TNFAIP2: variants seen among roughly 807,000 people sequenced by gnomAD.
The protein encoded by TNFAIP2 is TNF alpha induced protein 2.
TNFAIP2 carries 47 observed loss-of-function variants against 63.5 expected under a neutral mutation model. The observed-to-expected ratio is 0.74, with a 90% CI of 0.59 to 0.94. The LOEUF (loss-of-function observed/expected upper bound fraction) is 0.94, where lower values mean the gene tolerates loss of function less well. TNFAIP2 is among the 40% of genes least tolerant of loss of function. TNFAIP2 has a pLI of 0.00. For synonymous variants in TNFAIP2, 405 were observed against 390.2 expected, an observed-to-expected ratio of 1.04 and a Z score of -0.45; for missense variants, 787 against 850.2, an observed-to-expected ratio of 0.93 and a Z score of 0.92.
intron 11 of TNFAIP2, among the ~76,000 whole-genome samples, 157 bp downstream of exon 11, chr14:103,133,960 A>G (rs1248203596): frequency 6.6e-6 from 1 of 152,190 alleles, no homozygotes. Flanking sequence ...CCACAGCACT[A>G]CGAGGACAAT....
intron 2 of TNFAIP2, 42 bp downstream of exon 2, chr14:103,126,734 C>G (rs760547130): frequency 8.8e-5 from 136 of 1,540,188 alleles, no homozygotes; most frequent in Non-Finnish European, 1.1e-4. Flanking sequence ...GGGGCCTGGA[C>G]GGGGTTGGCG....
At chr14:103,133,001 C>T (rs943356183) in intron 9 of TNFAIP2, 129 bp downstream of exon 9, 14 of 1,435,246 alleles carry the variant, frequency 9.8e-6, no homozygotes, top group South Asian at 1.3e-5. Context: ...CGTGAATGCA[C>T]GAGCATGTGA....
At chr14:103,130,483 C>T in intron 6 of TNFAIP2, 68 bp downstream of exon 6, 1 of 1,443,298 alleles carries the variant, frequency 6.9e-7, no homozygotes, top group Non-Finnish European at 9.5e-7. Context: ...TCCCTAGTGC[C>T]TCAGGTGGGG....
At position 103,135,116 on chromosome 14, in the gene TNFAIP2, G is replaced by A. The variant is rs907817459; in HGVS notation, c.1824-103G>A. The A allele has an allele frequency of 1.9e-5, 28 of 1,449,420 alleles. No homozygotes were observed. Among genetic ancestry groups the A allele is most frequent in the Middle Eastern group, 2.0e-4 (1 of 4,884 alleles). The allele number at this position is 1,449,420 out of a possible 1,614,324, so 89.8% of individuals were successfully genotyped here. A position where few individuals can be genotyped will look rare whatever the true frequency, so the allele number is the denominator to read the frequency against. On this transcript the variant is annotated intron_variant, in intron 11 of 11. Coordinates refer to ENST00000560869, the MANE Select transcript of TNFAIP2 (RefSeq NM_006291.4). The surrounding 1 kb of genome is among the most constrained non-coding windows in gnomAD (Gnocchi z 7.6). ...GTGAAGTGCAGCCCCCTCGTGGGCCGGGCGTTGGCTGTCGGGCCCTGTGGC... is the reference window on the plus strand; with the variant it reads ...GTGAAGTGCAGCCCCCTCGTGGGCCAGGCGTTGGCTGTCGGGCCCTGTGGC...
At chr14:103,133,841 A>G in intron 11 of TNFAIP2, 38 bp downstream of exon 11, 1 of 1,556,370 alleles carries the variant, frequency 6.4e-7, no homozygotes, top group Non-Finnish European at 8.6e-7. Flanking sequence ...CTGTCACATC[A>G]CTGTGGCCAA....
At chr14:103,129,190 CG>C (rs2087919819) in intron 3 of TNFAIP2, among the ~76,000 whole-genome samples, 1 of 152,124 alleles carries the variant, frequency 6.6e-6, no homozygotes, top group Admixed American at 6.6e-5. Context: ...GGGAGGTGGC[CG>C]GGGCTGGTGA....
chr14:103,122,150 C>T (rs1891130591), upstream of TNFAIP2, among the ~76,000 whole-genome samples: 1 of 152,162 alleles, frequency 6.6e-6, no homozygotes, highest in South Asian at 2.1e-4. Flanking sequence ...GCAGCCTTAA[C>T]GCCCCATCCT....
chr14:103,122,773 G>A (rs1891160398), upstream of TNFAIP2: 1 of 454,572 alleles, frequency 2.2e-6, no homozygotes, highest in African/African-American at 2.0e-5. Context: ...CCCCAGAGGG[G>A]GAAAGGCTCC....
intron 9 of TNFAIP2, 105 bp from the exon 10 acceptor site, chr14:103,133,257 C>T (rs2088023986): frequency 1.1e-5 from 16 of 1,421,058 alleles, no homozygotes; most frequent in African/African-American, 1.4e-5. Flanking sequence ...GTCTTTTGCT[C>T]TGGCATCTGC....
upstream of TNFAIP2, chr14:103,122,668 C>G (rs1891155943): frequency 2.2e-6 from 1 of 456,028 alleles, no homozygotes; most frequent in Admixed American, 2.3e-5. Flanking sequence ...GCTGAATGGG[C>G]AAAGCCGGGT....
chr14:103,126,721 T>G, intron 2 of TNFAIP2, 29 bp downstream of exon 2: 1 of 1,551,560 alleles, frequency 6.4e-7, no homozygotes, highest in Non-Finnish European at 8.7e-7. Context: ...TTAGAGCTAG[T>G]CTGGGGCCTG....
intron 3 of TNFAIP2, among the ~76,000 whole-genome samples, chr14:103,128,949 C>A (rs1024349871): frequency 1.3e-5 from 2 of 152,146 alleles, no homozygotes; most frequent in Admixed American, 1.3e-4. Flanking sequence ...AGCCTGTGTG[C>A]CAGAAATGTG....
Position 103,127,702 on chromosome 14 carries a change from G to GAGGGGTGTCC in TNFAIP2, c.860+76_860+77insGGTGTCCAGG. ...TGTAGGAGGGGTGTCGAGGGGTGTCGAGGTGTGCCGCCGGCAGCTTTTAGT... is the reference window on the plus strand; with the variant it reads ...TGTAGGAGGGGTGTCGAGGGGTGTCGAGGGGTGTCCAGGTGTGCCGCCGGCAGCTTTTAGT... On this transcript the variant is annotated intron_variant, in intron 3 of 11. Coordinates refer to ENST00000560869, the MANE Select transcript of TNFAIP2 (RefSeq NM_006291.4). This position sits in a 1 kb window ranked among gnomAD's most constrained non-coding sequence, Gnocchi z 5.1. 1 of 1,395,218 alleles carries GAGGGGTGTCC rather than the reference G, an allele frequency of 7.2e-7. No homozygotes were observed. Among genetic ancestry groups the GAGGGGTGTCC allele is most frequent in the Non-Finnish European group, 9.3e-7 (1 of 1,071,302 alleles). The allele number at this position is 1,395,218 out of a possible 1,614,324, so 86.4% of individuals were successfully genotyped here.
In TNFAIP2 at chr14:103,131,880, C is replaced by G; in HGVS notation, c.1422+118C>G. ...AGATGTGGGGAAGACACGCTCCAGGCCTGTGGACGGCACCGTGGGCCAGCT... is the reference window on the plus strand; with the variant it reads ...AGATGTGGGGAAGACACGCTCCAGGGCTGTGGACGGCACCGTGGGCCAGCT... On this transcript the variant is annotated intron_variant, in intron 8 of 11. Transcript: ENST00000560869. This position sits in a 1 kb window ranked among gnomAD's most constrained non-coding sequence, Gnocchi z 4.0. 1 of 1,405,088 alleles carries G rather than the reference C, an allele frequency of 7.1e-7. No homozygotes were observed. Among genetic ancestry groups the G allele is most frequent in the East Asian group, 2.5e-5 (1 of 39,316 alleles). The allele number at this position is 1,405,088 out of a possible 1,614,324, so 87.0% of individuals were successfully genotyped here.
In TNFAIP2 at chr14:103,127,647, T is replaced by G; in HGVS notation, c.860+18T>G. The G allele has an allele frequency of 2.1e-6, 3 of 1,450,504 alleles. No individual in the cohort carries two copies. Among genetic ancestry groups the G allele is most frequent in the South Asian group, 1.4e-5 (1 of 71,878 alleles). The allele number at this position is 1,450,504 out of a possible 1,614,324, so 89.9% of individuals were successfully genotyped here. On this transcript the variant is annotated intron_variant, in intron 3 of 11. Transcript: ENST00000560869. This position sits in a 1 kb window ranked among gnomAD's most constrained non-coding sequence, Gnocchi z 5.1. The stretch of plus-strand genomic sequence containing the variant: ...TACCCCAAGTGAGCAGACCAGGGGC[T>G]GGGCCCGGGCCGGCAGGGAGGGTGT...
Position 103,126,479 on chromosome 14 carries a change from G to C in TNFAIP2, c.22G>C (p.Asp8His). MSEASSE[D>H]LVPPLEAGAA... ...CTCCATGTCGGAGGCCTCCTCTGAG[G>C]ACCTGGTGCCACCCCTGGAGGCTGG... The change falls in exon 2 of 12, where the codon GAC becomes CAC. Residue 8 changes from aspartate to histidine, a missense_variant. Asp to His is a moderately conservative substitution (Grantham distance 81). Around this residue, in one of 3 missense-constraint regions of TNFAIP2, gnomAD observed 258 missense variants for 228.9 expected, o/e 1.13. Transcript: ENST00000560869. The C allele has an allele frequency of 6.3e-7, 1 of 1,597,962 alleles. No homozygotes were observed. Among genetic ancestry groups the C allele is most frequent in the South Asian group, 1.1e-5 (1 of 88,634 alleles).
At chr14:103,133,262 A>T in intron 9 of TNFAIP2, 100 bp from the exon 10 acceptor site, 1 of 1,450,138 alleles carries the variant, frequency 6.9e-7, no homozygotes. Context: ...TTGCTCTGGC[A>T]TCTGCCTCTC....
At chr14:103,129,691 G>A in intron 3 of TNFAIP2, 49 bp from the exon 4 acceptor site, 1 of 1,546,304 alleles carries the variant, frequency 6.5e-7, no homozygotes, top group Non-Finnish European at 8.9e-7. Flanking sequence ...CTTGAGTGGT[G>A]GTGCTGATTT....
At chr14:103,122,839 G>A (rs1308606477), upstream of TNFAIP2, 1 of 455,146 alleles carries the variant, frequency 2.2e-6, no homozygotes, top group Non-Finnish European at 4.4e-6. Flanking sequence ...AAAGTGGTGT[G>A]AGCCGGGTCA....
Sources: gnomAD v4.1 joint callset for allele counts (sites outside exome capture counted in the v4.1 genomes callset) on GRCh38, gnomAD v4.1.1 for gene constraint, gnomAD v4.1.1 regional missense constraint, Gnocchi (gnomAD v3.1) non-coding constraint, MANE v1.5 for transcripts, NCBI Gene and HGNC (gene_info 2026-07-23, HGNC 2026-07-21) for gene names.